Variants in ZNF347 observed in about 807,000 individuals in gnomAD.
ZNF347 encodes the protein zinc finger protein 347, also known as CTD-2620I22.7.
In ZNF347, 19 loss-of-function variants were observed where a neutral mutation model predicts 12.9. The observed-to-expected ratio is 1.47, with a 90% CI of 1.03 to 2.16. ZNF347 has a LOEUF of 2.16. Ranked by LOEUF, ZNF347 falls within the 30% of genes most tolerant of loss-of-function variation. The pLI is 0.00. For synonymous variants in ZNF347, 328 were observed against 340.6 expected (o/e 0.96, Z 0.41); for missense variants, 1,005 against 990.6 (o/e 1.01, Z -0.19).
chr19:53,153,942 G>A, intron 1 of ZNF347, 149 bp from the exon 2 acceptor site: 1 of 612,260 alleles, frequency 1.6e-6, no homozygotes, highest in Non-Finnish European at 2.9e-6. Context: ...GGTCTCAGCT[G>A]CCCACTGCAC....
At chr19:53,146,650 G>A (rs536633185) in intron 4 of ZNF347, among the ~76,000 whole-genome samples, 42 of 151,924 alleles carry the variant, frequency 2.8e-4, no homozygotes, top group African/African-American at 9.4e-4. Context: ...GGTGGGGGGA[G>A]GTACACCCAA....
In ZNF347 at chr19:53,148,693, C is replaced by A. The variant is rs1310286904; in HGVS notation, c.259G>T (p.Ala87Ser). ...TCTGAACTCTTACCTGTGATCACAGCTTTGATCCATTCCCATCCATCTGGG... is the reference window on the plus strand; with the variant it reads ...TCTGAACTCTTACCTGTGATCACAGATTTGATCCATTCCCATCCATCTGGG... ...GNPDGWEWIK[A>S]VITALSSEFV... Residue 87 changes from alanine to serine, a missense_variant, in exon 4 of 5, where the codon GCT becomes TCT. Ala to Ser is a moderately conservative substitution (Grantham distance 99). Transcript: ENST00000334197. 6.2e-7 allele frequency: 1 copy of A among 1,613,608 alleles called. No homozygotes were observed. The highest frequency in any genetic ancestry group is 8.5e-7 in the Non-Finnish European group (1 of 1,179,738).
At position 53,147,692 on chromosome 19, in the gene ZNF347, T is replaced by C. The variant is rs114825051; in HGVS notation, c.271+989A>G. On this transcript the variant is annotated intron_variant, in intron 4 of 4. Transcript: ENST00000334197. The stretch of plus-strand genomic sequence containing the variant: ...TTTTATCAGACCAGCATTACCCTGA[T>C]ACCAAAAAGCAGACAAGGACACCAC... 7.2e-3 allele frequency among the ~76,000 whole-genome samples: 1,097 copies of C among 152,196 alleles called. 13 individuals are homozygous for C. Among genetic ancestry groups the C allele is most frequent in the African/African-American group, 0.024 (1,003 of 41,538 alleles).
rs2090381896 is a variant in ZNF347 at position 53,135,339 on chromosome 19, T to TATATAGAGAG, written c.*4968_*4969insCTCTCTATAT. ...ATATATATATATATATATATATATA[T>TATATAGAGAG]AGAGAGAGAGAGAGAGAGAGAGAGA... On this transcript the variant is annotated 3_prime_UTR_variant, in exon 5 of 5. Coordinates refer to ENST00000334197, the MANE Select transcript of ZNF347 (RefSeq NM_032584.3). 1.2e-5 allele frequency: 1 copy of TATATAGAGAG among 85,256 alleles called. No individual in the cohort carries two copies. Among genetic ancestry groups the TATATAGAGAG allele is most frequent in the African/African-American group, 5.8e-5 (1 of 17,160 alleles). 5.3% of individuals were successfully genotyped at this position (85,256 alleles called of 1,614,324 possible).
Position 53,140,184 on chromosome 19 carries a change from G to A in ZNF347, c.*124C>T. The A allele has an allele frequency of 1.0e-6, 1 of 994,128 alleles. No homozygotes were observed. Among genetic ancestry groups the A allele is most frequent in the Non-Finnish European group, 1.5e-6 (1 of 676,628 alleles). The allele number at this position is 994,128 out of a possible 1,614,324, so 61.6% of individuals were successfully genotyped here. A position where few individuals can be genotyped will look rare whatever the true frequency, so the allele number is the denominator to read the frequency against. On this transcript the variant is annotated 3_prime_UTR_variant, in exon 5 of 5. Transcript: ENST00000334197. ...CAAAGTGTTGGGATTACAGGCATGA[G>A]CCACTGCACCCAGCCAGTCATTGCA...
In ZNF347 at chr19:53,139,565, C is replaced by T. The variant is rs1377229866; in HGVS notation, c.*743G>A. The stretch of plus-strand genomic sequence containing the variant: ...TAGCCATTTCCAAATGTCCTTTGAC[C>T]TTTGAAATATATAATGTCTTAAGTT... On this transcript the variant is annotated 3_prime_UTR_variant, in exon 5 of 5. Transcript: ENST00000334197. 6.6e-6 allele frequency: 1 copy of T among 152,136 alleles called. No homozygotes were observed. The highest frequency in any genetic ancestry group is 2.4e-5 in the African/African-American group (1 of 41,422). The allele number at this position is 152,136 out of a possible 1,614,324, so 9.4% of individuals were successfully genotyped here.
intron 4 of ZNF347, among the ~76,000 whole-genome samples, chr19:53,143,213 GT>G (rs2090441176): frequency 1.3e-5 from 2 of 152,018 alleles, no homozygotes; most frequent in African/African-American, 4.8e-5. Context: ...GCTATAGGAT[GT>G]TTTTATATTT....
intron 4 of ZNF347, among the ~76,000 whole-genome samples, chr19:53,143,718 T>C (rs2090444584): frequency 6.6e-6 from 1 of 152,136 alleles, no homozygotes; most frequent in Admixed American, 6.6e-5. Context: ...AGCAGCATGA[T>C]TTATAATCCT....
At chr19:53,142,623 A>G in intron 4 of ZNF347, 67 bp from the exon 5 acceptor site, 2 of 1,233,360 alleles carry the variant, frequency 1.6e-6, no homozygotes, top group East Asian at 2.7e-5. Flanking sequence ...TTTACACCGA[A>G]AAACAATATT....
chr19:53,147,123 C>T (rs1225515101), intron 4 of ZNF347, among the ~76,000 whole-genome samples: 1 of 152,054 alleles, frequency 6.6e-6, no homozygotes, highest in African/African-American at 2.4e-5. Context: ...GCCTGTAATC[C>T]CAGCACTTTG....
In ZNF347 at chr19:53,156,045, C is replaced by CGGGGG. The variant is rs34037433; in HGVS notation, c.-46-2257_-46-2253dup. Among the ~76,000 whole-genome samples the CGGGGG allele has an allele frequency of 1.6e-3, 27 of 17,024 alleles. 1 individual carries two copies. Among genetic ancestry groups the CGGGGG allele is most frequent in the African/African-American group, 2.3e-3 (10 of 4,388 alleles). 11.2% of individuals were successfully genotyped at this position (17,024 alleles called of 152,430 possible). A position where few individuals can be genotyped will look rare whatever the true frequency, so the allele number is the denominator to read the frequency against. ...GGGGACTCCCAGGGGACTCCCAGCT[C>CGGGGG]GGGGGGGGGGGGGGGTTAGGCGGGG... On this transcript the variant is annotated intron_variant, in intron 1 of 4. Transcript: ENST00000334197.
chr19:53,156,940 C>T (rs962502364), intron 1 of ZNF347, among the ~76,000 whole-genome samples: 1 of 152,146 alleles, frequency 6.6e-6, no homozygotes, highest in African/African-American at 2.4e-5. Flanking sequence ...AATCCGCACA[C>T]ATTTTCGTGA....
chr19:53,149,618 C>T (rs181122433), intron 2 of ZNF347: 240 of 581,588 alleles, frequency 4.1e-4, no homozygotes, highest in African/African-American at 3.7e-3. Flanking sequence ...TTCAGAATGG[C>T]GGGGTGGTCA....
chr19:53,153,688 A>G, intron 2 of ZNF347, 45 bp downstream of exon 2: 1 of 1,600,754 alleles, frequency 6.2e-7, no homozygotes, highest in African/African-American at 1.3e-5. Context: ...TGACATTTCA[A>G]GAAGAAATAA....
chr19:53,148,387 T>G (rs2090476009), intron 4 of ZNF347, among the ~76,000 whole-genome samples: 1 of 152,152 alleles, frequency 6.6e-6, no homozygotes, highest in African/African-American at 2.4e-5. Context: ...ATAACCCTTT[T>G]GTAACAGCCC....
intron 2 of ZNF347, among the ~76,000 whole-genome samples, chr19:53,151,671 A>AT (rs2090499133): frequency 1.3e-5 from 2 of 152,198 alleles, no homozygotes; most frequent in South Asian, 2.1e-4. Flanking sequence ...ACACACATCT[A>AT]TTTATGCCCA....
chr19:53,140,440 C>T lies in ZNF347; in HGVS notation c.2388G>A (p.Gly796=), dbSNP rs1338637014. ...GGCTTGAACAGATACTAAAGGGTTT[C>T]CCACACTCATATGGTTTCTCTCCGG... ...IHTGEKPYEC[G]KPFSICSSLT... is the part of the protein sequence containing the mutation. Residue 796 remains glycine (G), a synonymous_variant, in exon 5 of 5, where the codon GGG becomes GGA. Coordinates refer to ENST00000334197, the MANE Select transcript of ZNF347 (RefSeq NM_032584.3). The T allele has an allele frequency of 6.2e-7, 1 of 1,614,028 alleles. No individual in the cohort carries two copies. Among genetic ancestry groups the T allele is most frequent in the Non-Finnish European group, 8.5e-7 (1 of 1,179,946 alleles).
At chr19:53,146,100 C>A (rs865983852) in intron 4 of ZNF347, among the ~76,000 whole-genome samples, 2 of 151,952 alleles carry the variant, frequency 1.3e-5, no homozygotes, top group Non-Finnish European at 2.9e-5. Context: ...CTCAGCCTCC[C>A]GAGTAGCTGG....
rs10405853 is a variant in ZNF347 at position 53,148,640 on chromosome 19, A to G, written c.271+41T>C. On this transcript the variant is annotated intron_variant, in intron 4 of 4. Coordinates refer to ENST00000334197, the MANE Select transcript of ZNF347 (RefSeq NM_032584.3). ...ATTTGCATAGAGTTTCCCAAACACT[A>G]TTTAATAAACGGCATTTTCTCTACC... 2.8e-3 allele frequency: 4,433 copies of G among 1,589,230 alleles called. 112 individuals are homozygous for G. The African/African-American group carries it at 0.053, about 19-fold the overall frequency.
Sources: allele counts gnomAD v4.1 joint callset (sites outside exome capture counted in the v4.1 genomes callset), GRCh38; gene constraint gnomAD v4.1.1; transcripts MANE v1.5; gene names NCBI Gene and HGNC (gene_info 2026-07-23, HGNC 2026-07-21).